UBE2D1: variants seen among roughly 807,000 people sequenced by gnomAD.
UBE2D1 encodes ubiquitin-conjugating enzyme E2 D1.
In UBE2D1, 9 loss-of-function variants were observed where a neutral mutation model predicts 24.6. The observed-to-expected ratio is 0.37, with a 90% CI of 0.22 to 0.64. UBE2D1 has a LOEUF of 0.64. Ranked by LOEUF, UBE2D1 falls within the 30% of genes least tolerant of loss-of-function variation. UBE2D1 has a pLI of 0.64. For missense variants in UBE2D1, 87 were observed against 177.1 expected, an observed-to-expected ratio of 0.49 and a Z score of 2.89; for synonymous variants, 57 against 57.6, an observed-to-expected ratio of 0.99 and a Z score of 0.04.
chr10:58,346,197 A>G (rs1418110119), intron 1 of UBE2D1, among the ~76,000 whole-genome samples: 1 of 151,826 alleles, frequency 6.6e-6, no homozygotes, highest in Non-Finnish European at 1.5e-5. Context: ...TTTTTAGTAG[A>G]GACTGGGTTT....
intron 1 of UBE2D1, among the ~76,000 whole-genome samples, chr10:58,346,199 A>G (rs1176551972): frequency 4.6e-5 from 7 of 151,622 alleles, no homozygotes; most frequent in Admixed American, 1.3e-4. Context: ...TTTAGTAGAG[A>G]CTGGGTTTCA....
At position 58,335,042 on chromosome 10, in the gene UBE2D1, A is replaced by G. The variant is rs1428943737; in HGVS notation, c.-160A>G. ...CACACTCGCGCTCGGGCGCACACGG[A>G]GCAGGGACCGGCGCCCGGAGCGAGC... On this transcript the variant is annotated 5_prime_UTR_variant, in exon 1 of 7. Coordinates refer to ENST00000373910, the MANE Select transcript of UBE2D1 (RefSeq NM_003338.5). 1.4e-6 allele frequency: 1 copy of G among 711,740 alleles called. No homozygotes were observed. Among genetic ancestry groups the G allele is most frequent in the Non-Finnish European group, 2.3e-6 (1 of 436,548 alleles). The allele number at this position is 711,740 out of a possible 1,614,324, so 44.1% of individuals were successfully genotyped here.
intron 1 of UBE2D1, among the ~76,000 whole-genome samples, chr10:58,358,020 C>G (rs558068884): frequency 2.7e-4 from 41 of 151,596 alleles, no homozygotes; most frequent in African/African-American, 9.5e-4. Context: ...ATAATAATAA[C>G]AAGATAACCT....
rs902885287 is a variant in UBE2D1, at chr10:58,370,554, A to G, written c.*1789A>G. ...ATGAAAAATTCTACTTAGCTATATT[A>G]TTATAAGCTACATTTGCCCTGAATT... On this transcript the variant is annotated 3_prime_UTR_variant, in exon 7 of 7. Coordinates refer to ENST00000373910, the MANE Select transcript of UBE2D1 (RefSeq NM_003338.5). 1.3e-5 allele frequency: 2 copies of G among 152,576 alleles called. No homozygotes were observed. Among genetic ancestry groups the G allele is most frequent in the Non-Finnish European group, 1.5e-5 (1 of 67,964 alleles). 9.5% of individuals were successfully genotyped at this position (152,576 alleles called of 1,614,324 possible).
intron 1 of UBE2D1, among the ~76,000 whole-genome samples, chr10:58,352,454 T>A (rs1281022894): frequency 1.3e-5 from 2 of 151,548 alleles, no homozygotes; most frequent in African/African-American, 2.4e-5. Context: ...AACTGGCAAA[T>A]TAAAAAAAAA....
intron 1 of UBE2D1, among the ~76,000 whole-genome samples, chr10:58,357,384 A>C (rs985491238): frequency 2.0e-5 from 3 of 152,152 alleles, no homozygotes; most frequent in African/African-American, 7.2e-5. Context: ...ACTTAGAGTA[A>C]TCTAAATCAA....
intron 1 of UBE2D1, chr10:58,360,948 G>T: frequency 2.2e-6 from 1 of 456,120 alleles, no homozygotes; most frequent in South Asian, 1.6e-5. Context: ...TTATCCTGAA[G>T]TATTATTCTT....
intron 1 of UBE2D1, chr10:58,360,921 CA>C (rs72051070): frequency 0.22 from 78,432 of 353,096 alleles, 375 homozygotes; most frequent in East Asian, 0.38. Context: ...GATCCTGTCT[CA>C]AAAAAAAAAA....
At chr10:58,346,308 G>T (rs964815451) in intron 1 of UBE2D1, among the ~76,000 whole-genome samples, 1 of 152,022 alleles carries the variant, frequency 6.6e-6, no homozygotes, top group Admixed American at 6.6e-5. Context: ...CACCATACCC[G>T]GCCGGAATGA....
chr10:58,351,332 C>A (rs1359557368), intron 1 of UBE2D1, among the ~76,000 whole-genome samples: 5 of 152,176 alleles, frequency 3.3e-5, no homozygotes, highest in Non-Finnish European at 7.3e-5. Context: ...ACACAAAACA[C>A]ATTATATGGC....
intron 1 of UBE2D1, among the ~76,000 whole-genome samples, chr10:58,351,147 C>T (rs1588999440): frequency 6.6e-6 from 1 of 152,148 alleles, no homozygotes; most frequent in East Asian, 1.9e-4. Context: ...TTGGGCATTA[C>T]TGTACACTGC....
Position 58,361,416 on chromosome 10 carries a change from AT to A in UBE2D1, c.88+18del. ...GGGAGATGACTGTAAGCCTTGCTCT[AT>A]TTCTGGGATTATGCTACCTTTAAAA... On this transcript the variant is annotated intron_variant, in intron 2 of 6. Coordinates refer to ENST00000373910, the MANE Select transcript of UBE2D1 (RefSeq NM_003338.5). The A allele has an allele frequency of 6.2e-6, 10 of 1,614,036 alleles. No homozygotes were observed. Among genetic ancestry groups the A allele is most frequent in the Non-Finnish European group, 8.5e-6 (10 of 1,180,008 alleles).
chr10:58,346,258 C>T (rs746755087), intron 1 of UBE2D1, among the ~76,000 whole-genome samples: 16 of 152,076 alleles, frequency 1.1e-4, no homozygotes, highest in African/African-American at 1.9e-4. Context: ...ATGATCTGCC[C>T]GCCTCAGACT....
intron 1 of UBE2D1, among the ~76,000 whole-genome samples, chr10:58,360,555 A>G (rs1190801768): frequency 6.6e-6 from 1 of 152,220 alleles, no homozygotes; most frequent in Non-Finnish European, 1.5e-5. Flanking sequence ...AGGGCAGGAA[A>G]CAGGGTATGA....
At chr10:58,364,664 A>C in intron 4 of UBE2D1, 107 bp from the exon 5 acceptor site, 5 of 715,380 alleles carry the variant, frequency 7.0e-6, no homozygotes, top group Non-Finnish European at 1.2e-5. Flanking sequence ...TCTCCTCTAA[A>C]GTTATGTAAA....
intron 1 of UBE2D1, among the ~76,000 whole-genome samples, chr10:58,357,663 C>G (rs1840147138): frequency 3.3e-5 from 5 of 152,112 alleles, no homozygotes; most frequent in Admixed American, 3.3e-4. Context: ...TCTATCTGCA[C>G]ATACGCATCC....
chr10:58,353,862 T>TA (rs755867154), intron 1 of UBE2D1, among the ~76,000 whole-genome samples: 1 of 152,194 alleles, frequency 6.6e-6, no homozygotes, highest in Non-Finnish European at 1.5e-5. Flanking sequence ...ATTTGTAAAA[T>TA]ATTGAAATTT....
At chr10:58,363,505 C>A in intron 3 of UBE2D1, 104 bp from the exon 4 acceptor site, 1 of 722,944 alleles carries the variant, frequency 1.4e-6, no homozygotes, top group Non-Finnish European at 2.2e-6. Flanking sequence ...TTATTTTAAA[C>A]ATGATGGCAT....
intron 1 of UBE2D1, among the ~76,000 whole-genome samples, chr10:58,355,185 G>C (rs76024661): frequency 0.01 from 1,552 of 152,276 alleles, 26 homozygotes; most frequent in African/African-American, 0.036. Context: ...TAGACTTCCT[G>C]AAAGTGTTTT....
Sources: gnomAD v4.1 joint callset for allele counts (sites outside exome capture counted in the v4.1 genomes callset) on GRCh38, gnomAD v4.1.1 for gene constraint, MANE v1.5 for transcripts, NCBI Gene and HGNC (gene_info 2026-07-23, HGNC 2026-07-21) for gene names.